Variants in GRM1 observed in about 807,000 individuals in gnomAD.
GRM1 encodes glutamate metabotropic receptor 1.
Under a neutral mutation model 90.9 loss-of-function variants are expected in GRM1, and 33 were observed. That is an observed-to-expected ratio of 0.36 (90% CI 0.28 to 0.49). The LOEUF (loss-of-function observed/expected upper bound fraction) is 0.49, where lower values mean the gene tolerates loss of function less well. Among genes scored for constraint, GRM1 ranks in the 20% least tolerant of loss-of-function variants. The pLI is 0.99. For synonymous variants in GRM1, 700 were observed against 613.2 expected (o/e 1.14, Z -2.09); for missense variants, 1,190 against 1,534.3 (o/e 0.78, Z 3.75).
At chr6:146,171,801 T>C (rs1355487052) in intron 2 of GRM1, 14 of 281,278 alleles carry the variant, frequency 5.0e-5, no homozygotes. Context: ...AATGTTCTAA[T>C]GACTGGGGAA....
rs17075685 is a variant in GRM1, at chr6:146,122,193, G to A, written c.701-37155G>A. Among the ~76,000 whole-genome samples, 603 of 152,150 alleles carry A rather than the reference G, an allele frequency of 4.0e-3. 17 individuals are homozygous for A. In the East Asian group the frequency reaches 0.069, roughly 17 times the overall value. On this transcript the variant is annotated intron_variant, in intron 1 of 7. Transcript: ENST00000282753. ...GTCTAGATAAAAATCTTTTTCCACC[G>A]GAATTTTGTAGTTGGTCTTTGCCCC... is the stretch of plus-strand genomic sequence containing the variant.
chr6:146,086,117 C>A lies in GRM1; in HGVS notation c.700+55900C>A, dbSNP rs536141947. ...GTATTATTATTAGATTTGAAAGGAG[C>A]CCACACATAATAACTCTGTACCTCT... On this transcript the variant is annotated intron_variant, in intron 1 of 7. Transcript: ENST00000282753. 3.3e-5 allele frequency among the ~76,000 whole-genome samples: 5 copies of A among 152,100 alleles called. 1 individual carries two copies. The South Asian group carries it at 1.0e-3, about 32-fold the overall frequency.
intron 7 of GRM1, among the ~76,000 whole-genome samples, chr6:146,401,219 T>A (rs1777147416): frequency 6.6e-6 from 1 of 152,180 alleles, no homozygotes; most frequent in Non-Finnish European, 1.5e-5. Flanking sequence ...CCTAATTTTC[T>A]CAAAACTAGG....
chr6:146,397,473 C>CAAAAAAAAAAAAAAAAAAAAAAAAA (rs1195779695), intron 6 of GRM1, among the ~76,000 whole-genome samples: 2 of 16,770 alleles, frequency 1.2e-4, no homozygotes, highest in Non-Finnish European at 2.5e-4. Context: ...GACCCCGTCT[C>CAAAAAAAAAAAAAAAAAAAAAAAAA]AAAAAAAAAA....
chr6:146,284,835 G>A (rs529470819), intron 2 of GRM1, among the ~76,000 whole-genome samples: 5 of 152,260 alleles, frequency 3.3e-5, no homozygotes, highest in African/African-American at 1.2e-4. Context: ...CCCAGCCTCA[G>A]GTAGTGTCTT....
At chr6:146,159,202 A>G (rs549831111) in intron 1 of GRM1, 146 bp from the exon 2 acceptor site, 1 of 905,276 alleles carries the variant, frequency 1.1e-6, no homozygotes, top group East Asian at 2.4e-5. Context: ...TAATCCATCC[A>G]GATCTTCCGT....
chr6:146,191,789 T>C (rs1476067617), intron 2 of GRM1, among the ~76,000 whole-genome samples: 1 of 152,214 alleles, frequency 6.6e-6, no homozygotes, highest in East Asian at 1.9e-4. Flanking sequence ...TCTTTCATGC[T>C]GACACTAAAA....
intron 5 of GRM1, among the ~76,000 whole-genome samples, chr6:146,374,128 T>C (rs982648047): frequency 6.9e-6 from 1 of 144,680 alleles, no homozygotes; most frequent in Non-Finnish European, 1.5e-5. Context: ...TCATATGGTT[T>C]TTATCCTTTA....
chr6:146,433,914 A>C lies in GRM1; in HGVS notation c.2703A>C (p.Gly901=), dbSNP rs766940961. Residue 901 remains glycine, a synonymous_variant, in exon 8 of 8, where the codon GGA becomes GGC. Coordinates refer to ENST00000282753, the MANE Select transcript of GRM1 (RefSeq NM_001278064.2). ...TGTCATGGTCTGAACCAGGTGGAGG[A>C]CAGGTGCCCAAGGGACAGCATATGT... ...KSVSWSEPGG[G]QVPKGQHMWH... is the part of the protein sequence containing the mutation. The C allele has an allele frequency of 6.2e-7, 1 of 1,613,888 alleles. No homozygotes were observed. Among genetic ancestry groups the C allele is most frequent in the Non-Finnish European group, 8.5e-7 (1 of 1,179,776 alleles).
At chr6:146,218,821 A>G (rs1428195887) in intron 2 of GRM1, among the ~76,000 whole-genome samples, 1 of 152,192 alleles carries the variant, frequency 6.6e-6, no homozygotes, top group Admixed American at 6.6e-5. Context: ...GAAACCGAGA[A>G]GAGAAGACAT....
intron 5 of GRM1, among the ~76,000 whole-genome samples, chr6:146,367,078 T>C (rs764454433): frequency 6.6e-6 from 1 of 152,210 alleles, no homozygotes; most frequent in Non-Finnish European, 1.5e-5. Flanking sequence ...TACTTTTGTA[T>C]ATAGTGAGAA....
chr6:146,169,961 A>G (rs547038885), intron 2 of GRM1, among the ~76,000 whole-genome samples: 1 of 152,030 alleles, frequency 6.6e-6, no homozygotes, highest in Admixed American at 6.6e-5. Flanking sequence ...CGTGGTTTTG[A>G]TTTGTCTTTC....
At chr6:146,069,012 A>C (rs920621755) in intron 1 of GRM1, among the ~76,000 whole-genome samples, 1 of 152,188 alleles carries the variant, frequency 6.6e-6, no homozygotes, top group Non-Finnish European at 1.5e-5. Flanking sequence ...TGTGTTTGTT[A>C]TGAAGCTTCT....
intron 2 of GRM1, among the ~76,000 whole-genome samples, chr6:146,253,506 A>C (rs2114770093): frequency 6.6e-6 from 1 of 152,166 alleles, no homozygotes; most frequent in Non-Finnish European, 1.5e-5. Context: ...TCTTGGGGTA[A>C]CTCCTAAGCC....
At chr6:146,197,443 A>G (rs921608002) in intron 2 of GRM1, among the ~76,000 whole-genome samples, 1 of 152,214 alleles carries the variant, frequency 6.6e-6, no homozygotes, top group Admixed American at 6.5e-5. Context: ...AGATGCCAAA[A>G]TGGGATAAGA....
chr6:146,382,189 C>T (rs1233883842), intron 5 of GRM1, among the ~76,000 whole-genome samples: 1 of 151,982 alleles, frequency 6.6e-6, no homozygotes, highest in East Asian at 1.9e-4. Flanking sequence ...AAAAATTAAA[C>T]ACTTATTCAC....
chr6:146,079,788 G>A (rs1776302734), intron 1 of GRM1, among the ~76,000 whole-genome samples: 1 of 152,150 alleles, frequency 6.6e-6, no homozygotes, highest in South Asian at 2.1e-4. Flanking sequence ...CCAGACTGAT[G>A]TTTCATAAAG....
chr6:146,412,041 A>T (rs1476583485), intron 7 of GRM1, among the ~76,000 whole-genome samples: 5 of 152,148 alleles, frequency 3.3e-5, no homozygotes, highest in African/African-American at 1.2e-4. Flanking sequence ...ATGCCATCAA[A>T]TGTTTAACTA....
chr6:146,391,454 T>G (rs1193204198), intron 6 of GRM1, among the ~76,000 whole-genome samples: 3 of 152,072 alleles, frequency 2.0e-5, no homozygotes, highest in Admixed American at 6.6e-5. Context: ...AGTCCCCCTT[T>G]TGAGTTCTGA....
Sources: allele counts gnomAD v4.1 joint callset (sites outside exome capture counted in the v4.1 genomes callset), GRCh38; gene constraint gnomAD v4.1.1; transcripts MANE v1.5; gene names NCBI Gene and HGNC (gene_info 2026-07-23, HGNC 2026-07-21).